The following GAREM1 variants were observed in gnomAD, a reference collection of about 807,000 sequenced individuals.
GAREM1 encodes the protein GRB2-associated and regulator of MAPK protein 1.
A neutral mutation model predicts 71.3 loss-of-function variants in GAREM1; 26 were observed. That is an observed-to-expected ratio of 0.36 (90% CI 0.27 to 0.51). The LOEUF (loss-of-function observed/expected upper bound fraction) is 0.51, where lower values mean the gene tolerates loss of function less well. GAREM1 is among the 20% of genes least tolerant of loss of function. GAREM1 has a pLI of 0.95. For missense variants in GAREM1, 1,026 were observed against 1,103.1 expected, an observed-to-expected ratio of 0.93 and a Z score of 0.99; for synonymous variants, 440 against 433.2, an observed-to-expected ratio of 1.02 and a Z score of -0.20.
chr18:32,280,080 A>G (rs1167771332), intron 4 of GAREM1, among the ~76,000 whole-genome samples: 2 of 152,224 alleles, frequency 1.3e-5, no homozygotes, highest in African/African-American at 4.8e-5. Flanking sequence ...AATCCTGAGT[A>G]TATCTTTTTG....
intron 2 of GAREM1, among the ~76,000 whole-genome samples, chr18:32,318,388 C>T (rs927444663): frequency 1.3e-5 from 2 of 152,242 alleles, no homozygotes; most frequent in South Asian, 2.1e-4. Flanking sequence ...ATCTAAGTTT[C>T]GATCATCTGT....
chr18:32,276,077 A>T (rs1377551507), intron 4 of GAREM1, among the ~76,000 whole-genome samples: 1 of 152,248 alleles, frequency 6.6e-6, no homozygotes, highest in Non-Finnish European at 1.5e-5. Flanking sequence ...TTCACATTGC[A>T]AATCAGGAAT....
intron 2 of GAREM1, among the ~76,000 whole-genome samples, chr18:32,388,654 C>T (rs1166646349): frequency 6.6e-6 from 1 of 152,134 alleles, no homozygotes; most frequent in Admixed American, 6.6e-5. Flanking sequence ...CACGAGGACA[C>T]GGGGAAACCC....
At chr18:32,405,938 G>C (rs1176581826) in intron 1 of GAREM1, among the ~76,000 whole-genome samples, 1 of 151,924 alleles carries the variant, frequency 6.6e-6, no homozygotes, top group Non-Finnish European at 1.5e-5. Context: ...TTCTTTTTTT[G>C]TTACAGTAGT....
chr18:32,306,829 G>A (rs777446372), intron 3 of GAREM1, among the ~76,000 whole-genome samples: 2 of 152,192 alleles, frequency 1.3e-5, no homozygotes, highest in Non-Finnish European at 2.9e-5. Flanking sequence ...CCCAGTGCCT[G>A]CAGTAGTGCT....
intron 1 of GAREM1, among the ~76,000 whole-genome samples, chr18:32,423,467 G>C (rs1215065277): frequency 6.6e-6 from 1 of 152,156 alleles, no homozygotes; most frequent in African/African-American, 2.4e-5. Context: ...GTTGGCCTTT[G>C]CTCTGTGCAA....
intron 4 of GAREM1, among the ~76,000 whole-genome samples, chr18:32,284,105 C>G (rs1251343099): frequency 6.6e-6 from 1 of 152,166 alleles, no homozygotes; most frequent in East Asian, 1.9e-4. Context: ...TTGAAAATTA[C>G]AAGCTGAAGC....
chr18:32,386,789 C>G (rs1385482563), intron 2 of GAREM1, among the ~76,000 whole-genome samples: 6 of 152,206 alleles, frequency 3.9e-5, no homozygotes, highest in Non-Finnish European at 5.9e-5. Flanking sequence ...CTAGAGTTTT[C>G]TTTGTTGTTT....
At chr18:32,351,515 TC>T (rs969473072) in intron 2 of GAREM1, among the ~76,000 whole-genome samples, 1 of 152,168 alleles carries the variant, frequency 6.6e-6, no homozygotes, top group Non-Finnish European at 1.5e-5. Context: ...TGAATGGGTT[TC>T]ACACAGTTCA....
intron 2 of GAREM1, among the ~76,000 whole-genome samples, chr18:32,342,202 A>C (rs1032933335): frequency 3.9e-5 from 6 of 152,050 alleles, no homozygotes; most frequent in African/African-American, 1.4e-4. Context: ...CATGAAGAAA[A>C]ATGAGGCGCA....
rs2047046980 is a variant in GAREM1 at position 32,288,205 on chromosome 18, T to G, written c.394-2A>C. 1 of 1,576,680 alleles carries G rather than the reference T, an allele frequency of 6.3e-7. No individual in the cohort carries two copies. Among genetic ancestry groups the G allele is most frequent in the East Asian group, 2.2e-5 (1 of 44,534 alleles). On this transcript the variant is annotated splice_acceptor_variant, in intron 3 of 5. Coordinates refer to ENST00000269209, the MANE Select transcript of GAREM1 (RefSeq NM_001242409.2). LOFTEE classifies it high-confidence loss of function. ...TTCATTGCATTCACCTGAAGCAACC[T>G]ACAATATAATAAATCACATTTTACG...
chr18:32,372,297 C>T (rs2047988440), intron 2 of GAREM1, among the ~76,000 whole-genome samples: 1 of 152,162 alleles, frequency 6.6e-6, no homozygotes, highest in African/African-American at 2.4e-5. Context: ...GAATTGTAAA[C>T]ATACACCTAA....
intron 1 of GAREM1, among the ~76,000 whole-genome samples, chr18:32,463,608 C>T (rs967844469): frequency 1.4e-5 from 2 of 140,818 alleles, no homozygotes; most frequent in African/African-American, 2.6e-5. Context: ...CTTGCTCTGT[C>T]GCCCAGGCCG....
At chr18:32,411,998 C>T (rs1442063601) in intron 1 of GAREM1, among the ~76,000 whole-genome samples, 1 of 152,066 alleles carries the variant, frequency 6.6e-6, no homozygotes, top group Non-Finnish European at 1.5e-5. Context: ...ACACTTTCCA[C>T]AGAACAGAAA....
At chr18:32,384,423 C>T (rs1173390063) in intron 2 of GAREM1, among the ~76,000 whole-genome samples, 1 of 152,164 alleles carries the variant, frequency 6.6e-6, no homozygotes, top group Non-Finnish European at 1.5e-5. Context: ...TTCAACTATA[C>T]AATTTATTTT....
rs1245195217 is a variant in GAREM1 at position 32,313,570 on chromosome 18, A to G, written c.263-3247T>C. On this transcript the variant is annotated intron_variant, in intron 2 of 5. Transcript: ENST00000269209. ...AAGAAGAGGAGTATATCTGGAGAGA[A>G]TAACAGCAAGCCAGGAACTAAAATT... Among the ~76,000 whole-genome samples the G allele has an allele frequency of 2.0e-5, 3 of 152,218 alleles. No individual in the cohort carries two copies. The South Asian group carries it at 6.2e-4, about 32-fold the overall frequency.
chr18:32,397,946 G>C (rs920243622), intron 1 of GAREM1, among the ~76,000 whole-genome samples: 3 of 152,294 alleles, frequency 2.0e-5, no homozygotes, highest in South Asian at 2.1e-4. Flanking sequence ...TAAAAGAACA[G>C]AAATTATAAC....
At chr18:32,352,013 A>G (rs745307805) in intron 2 of GAREM1, among the ~76,000 whole-genome samples, 19 of 152,164 alleles carry the variant, frequency 1.2e-4, no homozygotes, top group Non-Finnish European at 2.4e-4. Flanking sequence ...AAATGATTAC[A>G]AAGTACTTTT....
intron 3 of GAREM1, among the ~76,000 whole-genome samples, chr18:32,301,065 G>C (rs2047197164): frequency 6.6e-6 from 1 of 152,140 alleles, no homozygotes; most frequent in South Asian, 2.1e-4. Flanking sequence ...TATGACTTGG[G>C]AAAATATATT....
Sources: gnomAD v4.1 joint callset for allele counts (sites outside exome capture counted in the v4.1 genomes callset) on GRCh38, gnomAD v4.1.1 for gene constraint, MANE v1.5 for transcripts, NCBI Gene and HGNC (gene_info 2026-07-23, HGNC 2026-07-21) for gene names.